SEMA4D: variants seen among roughly 807,000 people sequenced by gnomAD.
SEMA4D encodes semaphorin 4D, also known as semaphorin-4D.
A neutral mutation model predicts 74.8 loss-of-function variants in SEMA4D; 22 were observed. The ratio of observed to expected loss-of-function variants is 0.29; its 90% CI spans 0.21 to 0.42. The LOEUF is 0.42. Among genes scored for constraint, SEMA4D ranks in the 10% least tolerant of loss-of-function variants. The pLI is 1.00. For synonymous variants in SEMA4D, 445 were observed against 463.7 expected, an observed-to-expected ratio of 0.96 and a Z score of 0.52; for missense variants, 937 against 1,118.4, an observed-to-expected ratio of 0.84 and a Z score of 2.31.
Position 89,405,558 on chromosome 9 carries a change from G to C in SEMA4D, c.-102C>G. 2.6e-6 allele frequency: 4 copies of C among 1,530,662 alleles called. No individual in the cohort carries two copies. Among genetic ancestry groups the C allele is most frequent in the Non-Finnish European group, 3.5e-6 (4 of 1,143,174 alleles). 94.8% of individuals were successfully genotyped at this position (1,530,662 alleles called of 1,614,324 possible). A position where few individuals can be genotyped will look rare whatever the true frequency, so the allele number is the denominator to read the frequency against. ...ATGCGGCTCAGCGCCCCAGGACCAG[G>C]GCCAGCAGCACAGCCTGGAGCTCGT... On this transcript the variant is annotated 5_prime_UTR_variant, in exon 3 of 16. Coordinates refer to ENST00000422704, the MANE Select transcript of SEMA4D (RefSeq NM_001371194.2).
chr9:89,416,937 A>G (rs1194793247), intron 2 of SEMA4D, among the ~76,000 whole-genome samples: 2 of 151,766 alleles, frequency 1.3e-5, no homozygotes, highest in Non-Finnish European at 2.9e-5. Context: ...CCTTTTTTTT[A>G]TTTACATAAA....
At chr9:89,403,069 G>C (rs1842550620) in intron 3 of SEMA4D, 53 bp from the exon 4 acceptor site, 1 of 1,581,798 alleles carries the variant, frequency 6.3e-7, no homozygotes, top group Non-Finnish European at 8.7e-7. Flanking sequence ...AGCGATGGAA[G>C]CATTTTTAAA....
intron 2 of SEMA4D, chr9:89,450,114 C>A (rs1480546093): frequency 3.2e-6 from 4 of 1,240,924 alleles, no homozygotes; most frequent in African/African-American, 1.5e-5. Context: ...AGAAGGTATG[C>A]TGTCACACCA....
chr9:89,457,875 T>C (rs188813149), intron 1 of SEMA4D, among the ~76,000 whole-genome samples: 35 of 146,600 alleles, frequency 2.4e-4, no homozygotes, highest in African/African-American at 8.7e-4. Flanking sequence ...CTACTAAAAA[T>C]ACAAAAAATT....
chr9:89,371,958 GTGTGTGTGGGGTGT>G, intron 16 of SEMA4D, among the ~76,000 whole-genome samples: 1 of 137,092 alleles, frequency 7.3e-6, no homozygotes. Context: ...GTGGGGTGTG[GTGTGTGTGGGGTGT>G]GGTGTGTGTC....
chr9:89,415,734 G>A, intron 2 of SEMA4D, among the ~76,000 whole-genome samples: 1 of 152,304 alleles, frequency 6.6e-6, no homozygotes, highest in Admixed American at 6.5e-5. Context: ...ATGTCACCCA[G>A]TCTATGACAT....
intron 2 of SEMA4D, among the ~76,000 whole-genome samples, chr9:89,428,176 C>A (rs1587815713): frequency 6.6e-6 from 1 of 152,188 alleles, no homozygotes; most frequent in Non-Finnish European, 1.5e-5. Context: ...ATACGGCCCC[C>A]ACACTGAACA....
intron 2 of SEMA4D, among the ~76,000 whole-genome samples, chr9:89,440,754 C>G (rs1480487930): frequency 6.6e-6 from 1 of 152,258 alleles, no homozygotes; most frequent in East Asian, 1.9e-4. Flanking sequence ...CGGAACCCTT[C>G]CAGTGGGCAA....
At chr9:89,371,005 G>GGTGTGGT (rs145677144) in intron 16 of SEMA4D, among the ~76,000 whole-genome samples, 1,264 of 123,252 alleles carry the variant, frequency 0.01, 56 homozygotes, top group East Asian at 0.067. Context: ...GGTATGTCGG[G>GGTGTGGT]GTGTGGGGTG....
chr9:89,362,099 G>A (rs1209881745), exon 19 of SEMA4D: 17 of 551,180 alleles, frequency 3.1e-5, no homozygotes, highest in Non-Finnish European at 5.2e-5. Flanking sequence ...TTTAGTTCAC[G>A]AGCAGCTATC....
chr9:89,450,021 T>C, intron 2 of SEMA4D: 2 of 1,477,212 alleles, frequency 1.4e-6, no homozygotes, highest in Non-Finnish European at 1.9e-6. Context: ...AGCTGCCCCA[T>C]GCCTGGTCAC....
chr9:89,418,826 C>T (rs1846263039), intron 2 of SEMA4D: 1 of 152,266 alleles, frequency 6.6e-6, no homozygotes, highest in Non-Finnish European at 1.5e-5. Context: ...ACACAGGAGC[C>T]ACGTAATTGT....
At chr9:89,458,203 G>A (rs1321964602) in intron 1 of SEMA4D, among the ~76,000 whole-genome samples, 1 of 152,194 alleles carries the variant, frequency 6.6e-6, no homozygotes, top group Non-Finnish European at 1.5e-5. Flanking sequence ...AGGAAACACA[G>A]GCTTTTGGGA....
chr9:89,369,865 A>AGTGTGTGT (rs112473972), intron 16 of SEMA4D, among the ~76,000 whole-genome samples: 25 of 138,770 alleles, frequency 1.8e-4, no homozygotes, highest in Middle Eastern at 3.6e-3. Context: ...CTAAGTCAAC[A>AGTGTGTGT]ATGTGTGTGT....
intron 1 of SEMA4D, among the ~76,000 whole-genome samples, chr9:89,477,447 G>C (rs1862057134): frequency 6.6e-5 from 10 of 152,202 alleles, no homozygotes; most frequent in Admixed American, 6.5e-4. Context: ...AAGGAAAACA[G>C]TCAAGGGTGT....
At position 89,462,026 on chromosome 9, in the gene SEMA4D, T is replaced by C. The variant is rs553665639; in HGVS notation, c.-309-6073A>G. On this transcript the variant is annotated intron_variant, in intron 1 of 15. Coordinates refer to ENST00000422704, the MANE Select transcript of SEMA4D (RefSeq NM_001371194.2). ...TGATGTATATTTCTTGAACAACAAA[T>C]GGGTAATTTTAAGGCTAGGATGAGT... is the stretch of plus-strand genomic sequence containing the variant. 2.6e-3 allele frequency among the ~76,000 whole-genome samples: 390 copies of C among 152,178 alleles called. 3 individuals are homozygous for C. The highest frequency in any genetic ancestry group is 9.1e-3 in the African/African-American group (379 of 41,504).
chr9:89,414,498 C>T (rs553794430), intron 2 of SEMA4D, among the ~76,000 whole-genome samples: 4 of 152,292 alleles, frequency 2.6e-5, no homozygotes, highest in African/African-American at 9.6e-5. Context: ...ACCAACCATG[C>T]CCTGCCAGTA....
At position 89,388,894 on chromosome 9, in the gene SEMA4D, A is replaced by G; in HGVS notation, c.928T>C (p.Tyr310His). The change falls in exon 10 of 16, where the codon TAT becomes CAT. Residue 310 changes from tyrosine to histidine, a missense_variant. By Grantham distance (83) the Tyr-to-His change is moderately conservative. Coordinates refer to ENST00000422704, the MANE Select transcript of SEMA4D (RefSeq NM_001371194.2). ...TACAGCTGTGGGGTGAAGAGTGCAT[A>G]GAACACAGGCACCTTCAGGCCCGGG... is the stretch of plus-strand genomic sequence containing the variant. ...RSPGLKVPVF[Y>H]ALFTPQLNNV... 1 of 1,614,126 alleles carries G rather than the reference A, an allele frequency of 6.2e-7. No homozygotes were observed. Among genetic ancestry groups the G allele is most frequent in the Non-Finnish European group, 8.5e-7 (1 of 1,179,998 alleles).
intron 16 of SEMA4D, among the ~76,000 whole-genome samples, chr9:89,371,005 G>GT (rs2132426468): frequency 1.6e-5 from 2 of 123,280 alleles, no homozygotes; most frequent in South Asian, 6.2e-4. Context: ...GGTATGTCGG[G>GT]GTGTGGGGTG....
Sources: allele counts gnomAD v4.1 joint callset (sites outside exome capture counted in the v4.1 genomes callset), GRCh38; gene constraint gnomAD v4.1.1; transcripts MANE v1.5; gene names NCBI Gene and HGNC (gene_info 2026-07-23, HGNC 2026-07-21).